GNAS: variants seen among roughly 807,000 people sequenced by gnomAD.
The protein encoded by GNAS is GNAS complex locus, also known as protein ALEX.
Under a neutral mutation model 54.5 loss-of-function variants are expected in GNAS, and 8 were observed. That is an observed-to-expected ratio of 0.15 (90% CI 0.09 to 0.26). The LOEUF (loss-of-function observed/expected upper bound fraction) is 0.26, where lower values mean the gene tolerates loss of function less well. Ranked by LOEUF, GNAS falls within the 10% of genes least tolerant of loss-of-function variation. GNAS has a pLI of 1.00. For synonymous variants in GNAS, 204 were observed against 191.4 expected (o/e 1.07, Z -0.54); for missense variants, 170 against 529.8 (o/e 0.32, Z 6.67).
At chr20:58,896,606 G>C (rs1387454603) in intron 2 of GNAS, among the ~76,000 whole-genome samples, 1 of 150,176 alleles carries the variant, frequency 6.7e-6, no homozygotes, top group Non-Finnish European at 1.5e-5. Context: ...CATCGTTCTC[G>C]TGTAACAAAA....
At chr20:58,892,634 CGACT>C (rs1007208387) in intron 1 of GNAS, 9 of 152,046 alleles carry the variant, frequency 5.9e-5, no homozygotes, top group Admixed American at 5.2e-4. Flanking sequence ...CGGGCAGGAC[CGACT>C]GACTGTGTGT....
intron 2 of GNAS, among the ~76,000 whole-genome samples, chr20:58,896,379 C>T (rs1887949067): frequency 6.6e-6 from 1 of 152,094 alleles, no homozygotes; most frequent in Admixed American, 6.5e-5. Flanking sequence ...CCCAGCCTCA[C>T]TGAGGGGCAT....
At chr20:58,877,574 G>C (rs1380164015) in intron 1 of GNAS, among the ~76,000 whole-genome samples, 1 of 152,188 alleles carries the variant, frequency 6.6e-6, no homozygotes, top group Non-Finnish European at 1.5e-5. Flanking sequence ...GGTTGAAATG[G>C]ACACTTAAGG....
rs775363404 is a variant in GNAS, at chr20:58,853,970, C to G, written c.43+13084C>G. On this transcript the variant is annotated intron_variant, in intron 1 of 12. Coordinates refer to the GNAS transcript ENST00000306090. This position sits in a 1 kb window ranked among gnomAD's most constrained non-coding sequence, Gnocchi z 4.4. ...AGCTTGATGGAGAAGGATTTGGGGA[C>G]GACAGCCCACCCCCGGGGCTTTCCC... 7 of 1,612,172 alleles carry G rather than the reference C, an allele frequency of 4.3e-6. No homozygotes were observed. In the East Asian group the frequency reaches 1.6e-4, roughly 36 times the overall value.
upstream of GNAS, chr20:58,840,127 T>C: frequency 6.2e-7 from 1 of 1,611,444 alleles, no homozygotes; most frequent in Non-Finnish European, 8.5e-7. This position sits in a 1 kb window ranked among gnomAD's most constrained non-coding sequence, Gnocchi z 6.0. Flanking sequence ...GGTCCCGGGC[T>C]CAGCAGTGGC....
At chr20:58,893,918 CGGG>C (rs1601010345) in intron 1 of GNAS, among the ~76,000 whole-genome samples, 1 of 152,188 alleles carries the variant, frequency 6.6e-6, no homozygotes, top group Admixed American at 6.5e-5. Context: ...CCTTGCGTCA[CGGG>C]GGCTAATCTA....
At chr20:58,899,134 C>T in intron 3 of GNAS, 149 bp downstream of exon 3, 1 of 749,940 alleles carries the variant, frequency 1.3e-6, no homozygotes, top group Non-Finnish European at 2.3e-6. Flanking sequence ...GAATAACACA[C>T]AATTTCCTGA....
chr20:58,891,992 T>G (rs2089430699), intron 1 of GNAS, 127 bp downstream of exon 1: 1 of 747,160 alleles, frequency 1.3e-6, no homozygotes, highest in Non-Finnish European at 1.6e-6. Flanking sequence ...GTTCGCGGGC[T>G]CTGTCTGTGG....
intron 1 of GNAS, among the ~76,000 whole-genome samples, chr20:58,864,788 T>C (rs184040761): frequency 1.4e-3 from 215 of 152,298 alleles, no homozygotes; most frequent in Middle Eastern, 3.4e-3. Flanking sequence ...TAGTTAGCTA[T>C]ATGCCAGGAT....
chr20:58,909,329 T>C lies in GNAS; in HGVS notation c.586-21T>C, dbSNP rs767323449. On this transcript the variant is annotated intron_variant, in intron 7 of 12. Transcript: ENST00000371085. This position sits in a 1 kb window ranked among gnomAD's most constrained non-coding sequence, Gnocchi z 7.3. ...TTTCGGTTGGCTTTGGTGAGATCCATTGACCTCAATTTTGTTTCAGGACCT... is the reference window on the plus strand; with the variant it reads ...TTTCGGTTGGCTTTGGTGAGATCCACTGACCTCAATTTTGTTTCAGGACCT... 22 of 1,607,960 alleles carry C rather than the reference T, an allele frequency of 1.4e-5. No homozygotes were observed. The highest frequency in any genetic ancestry group is 1.7e-5 in the Non-Finnish European group (20 of 1,174,470).
chr20:58,861,747 G>A (rs1003233979), intron 1 of GNAS, among the ~76,000 whole-genome samples: 15 of 152,078 alleles, frequency 9.9e-5, no homozygotes, highest in Non-Finnish European at 2.1e-4. Flanking sequence ...CTCTTGTTGC[G>A]CAGGCTGGAG....
At chr20:58,895,318 C>G in intron 1 of GNAS, 1 of 428,690 alleles carries the variant, frequency 2.3e-6, no homozygotes, top group African/African-American at 2.0e-5. Flanking sequence ...TTCTCTTTGC[C>G]CCTTTCCAAC....
chr20:58,894,718 C>T (rs1004229318), intron 1 of GNAS, among the ~76,000 whole-genome samples: 1 of 152,176 alleles, frequency 6.6e-6, no homozygotes, highest in Non-Finnish European at 1.5e-5. Context: ...TGTTTCTACT[C>T]TTTGAGTTGG....
upstream of GNAS, among the ~76,000 whole-genome samples, chr20:58,889,884 C>T (rs973179890): frequency 6.6e-6 from 1 of 151,578 alleles, no homozygotes; most frequent in African/African-American, 2.4e-5. Flanking sequence ...GGCCACCATG[C>T]TGAAGATGGC....
Position 58,840,870 on chromosome 20 carries a change from T to C in GNAS, c.27T>C (p.Leu9=). 6.2e-7 allele frequency: 1 copy of C among 1,612,742 alleles called. No individual in the cohort carries two copies. Among genetic ancestry groups the C allele is most frequent in the South Asian group, 1.1e-5 (1 of 91,062 alleles). The stretch of plus-strand genomic sequence containing the variant: ...TGGAGGACGCCGTCCAGATTCTCCT[T>C]GTTTTCATGGATTCAGGTTAGTTGC... The change falls in exon 1 of 13, where the codon CTT becomes CTC. Residue 9 remains leucine, a synonymous_variant. Coordinates refer to the GNAS transcript ENST00000306090. The surrounding 1 kb of genome is among the most constrained non-coding windows in gnomAD (Gnocchi z 6.0).
At chr20:58,906,128 T>A (rs1466034141) in intron 6 of GNAS, among the ~76,000 whole-genome samples, 1 of 152,234 alleles carries the variant, frequency 6.6e-6, no homozygotes, top group Non-Finnish European at 1.5e-5. Flanking sequence ...ACCTAAGCAG[T>A]ACAATACCGT....
chr20:58,847,352 C>A (rs1336882826), intron 1 of GNAS, among the ~76,000 whole-genome samples: 3 of 152,146 alleles, frequency 2.0e-5, no homozygotes, highest in African/African-American at 7.2e-5. Flanking sequence ...GCCACGCAGA[C>A]CCCTCTGCAG....
At chr20:58,860,575 A>T (rs952391963) in intron 1 of GNAS, among the ~76,000 whole-genome samples, 1 of 152,106 alleles carries the variant, frequency 6.6e-6, no homozygotes, top group Non-Finnish European at 1.5e-5. Context: ...AGTATGCCTT[A>T]CTTCTAGTCC....
intron 1 of GNAS, among the ~76,000 whole-genome samples, chr20:58,847,115 C>A (rs559114380): frequency 6.6e-6 from 1 of 152,352 alleles, no homozygotes; most frequent in Non-Finnish European, 1.5e-5. Flanking sequence ...TTGGCTGAAA[C>A]AGAATTTGGG....
Sources: allele counts gnomAD v4.1 joint callset (sites outside exome capture counted in the v4.1 genomes callset), GRCh38; gene constraint gnomAD v4.1.1; non-coding constraint Gnocchi (gnomAD v3.1); transcripts MANE v1.5; gene names NCBI Gene and HGNC (gene_info 2026-07-23, HGNC 2026-07-21).